CNIH3: variants seen among roughly 807,000 people sequenced by gnomAD.
The protein encoded by CNIH3 is cornichon family AMPA receptor auxiliary protein 3, also known as protein cornichon homolog 3.
In CNIH3, 14 loss-of-function variants were observed where a neutral mutation model predicts 24.1. That is an observed-to-expected ratio of 0.58 (90% confidence interval 0.38 to 0.91). CNIH3 has a LOEUF of 0.91. CNIH3 is among the 40% of genes least tolerant of loss of function. CNIH3 has a pLI of 0.00. For missense variants in CNIH3, 178 were observed against 196.8 expected, an observed-to-expected ratio of 0.90 and a Z score of 0.57; for synonymous variants, 68 against 73.8, an observed-to-expected ratio of 0.92 and a Z score of 0.40.
At chr1:224,579,554 G>T (rs1000444779) in intron 4 of CNIH3, among the ~76,000 whole-genome samples, 4 of 152,184 alleles carry the variant, frequency 2.6e-5, no homozygotes, top group African/African-American at 9.6e-5. Context: ...GGGACTGAGT[G>T]TACTATGGTT....
At chr1:224,660,780 G>A (rs1021292932) in intron 1 of CNIH3, among the ~76,000 whole-genome samples, 1 of 152,096 alleles carries the variant, frequency 6.6e-6, no homozygotes, top group Non-Finnish European at 1.5e-5. Context: ...TTCTATAGAA[G>A]GCTTATCCTG....
intron 1 of CNIH3, among the ~76,000 whole-genome samples, chr1:224,626,302 T>A (rs940864008): frequency 6.6e-6 from 1 of 152,212 alleles, no homozygotes; most frequent in Middle Eastern, 3.2e-3. Context: ...CATTTCTTAA[T>A]GACACTTGGA....
intron 3 of CNIH3, among the ~76,000 whole-genome samples, chr1:224,603,792 C>G (rs2125043915): frequency 6.6e-6 from 1 of 152,270 alleles, no homozygotes; most frequent in Non-Finnish European, 1.5e-5. Flanking sequence ...GGATGATACT[C>G]TAGGCTGTGG....
Position 224,734,548 on chromosome 1 carries a change from C to T in CNIH3, c.312-15C>T. 1 of 1,613,346 alleles carries T rather than the reference C, an allele frequency of 6.2e-7. No homozygotes were observed. The highest frequency in any genetic ancestry group is 8.5e-7 in the Non-Finnish European group (1 of 1,179,448). ...ACCAGGACCTCAGAGACAATGATGTCCTCTCTCCCTGCAGGTATTTCCACT... is the reference window on the plus strand; with the variant it reads ...ACCAGGACCTCAGAGACAATGATGTTCTCTCTCCCTGCAGGTATTTCCACT... On this transcript the variant is annotated splice_polypyrimidine_tract_variant and intron_variant, in intron 4 of 5. Coordinates refer to ENST00000272133, the MANE Select transcript of CNIH3 (RefSeq NM_152495.2).
chr1:224,572,630 G>T (rs895719402), intron 4 of CNIH3, among the ~76,000 whole-genome samples: 2 of 141,158 alleles, frequency 1.4e-5, no homozygotes, highest in Non-Finnish European at 3.1e-5. Flanking sequence ...TTAGGATAGG[G>T]TTTTTTTTTT....
chr1:224,538,677 A>G (rs370236279), downstream of CNIH3, among the ~76,000 whole-genome samples: 172 of 140,830 alleles, frequency 1.2e-3, 2 homozygotes, highest in East Asian at 0.029. Flanking sequence ...TTTTTTTTTT[A>G]AGAGACAGGG....
intron 1 of CNIH3, chr1:224,459,183 C>T (rs1000818013): frequency 2.2e-6 from 2 of 893,174 alleles, no homozygotes; most frequent in Non-Finnish European, 2.6e-6. Context: ...CTCTTTCTTC[C>T]TTCTACTGCT....
chr1:224,729,334 C>G (rs1029478591), intron 3 of CNIH3, among the ~76,000 whole-genome samples: 1 of 150,072 alleles, frequency 6.7e-6, no homozygotes, highest in Non-Finnish European at 1.5e-5. Context: ...ATTGCTTGAA[C>G]CCAGGAGGCA....
intron 3 of CNIH3, among the ~76,000 whole-genome samples, chr1:224,694,448 T>A (rs1238295736): frequency 6.6e-6 from 1 of 152,204 alleles, no homozygotes. Flanking sequence ...TGATTAAACA[T>A]ACGACTCCGC....
chr1:224,529,990 G>A (rs1207735815), intron 2 of CNIH3, among the ~76,000 whole-genome samples: 1 of 152,176 alleles, frequency 6.6e-6, no homozygotes, highest in South Asian at 2.1e-4. Flanking sequence ...ATTGCTGAGC[G>A]CTTGCTATGT....
chr1:224,480,727 C>T (rs1246898719), intron 1 of CNIH3, among the ~76,000 whole-genome samples: 1 of 152,230 alleles, frequency 6.6e-6, no homozygotes, highest in Non-Finnish European at 1.5e-5. Context: ...ACAAGTTCCC[C>T]ATCTCCATCT....
chr1:224,665,548 T>A lies in CNIH3; in HGVS notation c.82-15410T>A, dbSNP rs558310090. On this transcript the variant is annotated intron_variant, in intron 1 of 5. Transcript: ENST00000272133. ...GATCCAGGTGCTTGGAATGCAGCAA[T>A]GAGCAAAACAGTGTCTCCTTACCTG... Among the ~76,000 whole-genome samples the A allele has an allele frequency of 2.0e-5, 3 of 152,306 alleles. No individual in the cohort carries two copies. The East Asian group carries it at 5.8e-4, about 29-fold the overall frequency.
chr1:224,676,854 T>C (rs1686163682), intron 1 of CNIH3, among the ~76,000 whole-genome samples: 1 of 152,186 alleles, frequency 6.6e-6, no homozygotes, highest in South Asian at 2.1e-4. Context: ...TGGGAATCTA[T>C]TTATGAATTA....
chr1:224,665,503 AC>A (rs1685554975), intron 1 of CNIH3, among the ~76,000 whole-genome samples: 1 of 152,232 alleles, frequency 6.6e-6, no homozygotes, highest in South Asian at 2.1e-4. Flanking sequence ...TTACTGAATA[AC>A]CACTGTGTGC....
At chr1:224,616,180 C>G (rs1682963436), upstream of CNIH3, 1 of 155,642 alleles carries the variant, frequency 6.4e-6, no homozygotes, top group African/African-American at 2.4e-5. Context: ...AAGCGCCCGG[C>G]GGCGCTTCGC....
intron 1 of CNIH3, among the ~76,000 whole-genome samples, chr1:224,501,523 A>AT (rs1421187013): frequency 1.6e-4 from 18 of 112,250 alleles, no homozygotes; most frequent in South Asian, 5.2e-4. Context: ...ATATATATAT[A>AT]TATTTTTTTT....
At chr1:224,613,677 C>T (rs993880781), upstream of CNIH3, among the ~76,000 whole-genome samples, 10 of 152,106 alleles carry the variant, frequency 6.6e-5, no homozygotes, top group African/African-American at 1.7e-4. Flanking sequence ...GTTATTTACA[C>T]GTGTGTGGCA....
At chr1:224,508,567 G>T (rs1259082577) in intron 1 of CNIH3, among the ~76,000 whole-genome samples, 3 of 152,160 alleles carry the variant, frequency 2.0e-5, no homozygotes, top group African/African-American at 7.2e-5. Flanking sequence ...CTTACTTCCA[G>T]TTCCTTCCTG....
intron 3 of CNIH3, among the ~76,000 whole-genome samples, chr1:224,599,123 G>T (rs755576662): frequency 2.0e-5 from 3 of 152,022 alleles, no homozygotes; most frequent in Non-Finnish European, 2.9e-5. Flanking sequence ...AATTATTTTA[G>T]TTGCTCCAAT....
Sources: allele counts gnomAD v4.1 joint callset (sites outside exome capture counted in the v4.1 genomes callset), GRCh38; gene constraint gnomAD v4.1.1; transcripts MANE v1.5; gene names NCBI Gene and HGNC (gene_info 2026-07-23, HGNC 2026-07-21).